DEPDC5: variants seen among roughly 807,000 people sequenced by gnomAD.
DEPDC5 encodes GATOR1 complex protein DEPDC5.
DEPDC5 carries 73 observed loss-of-function variants against 217.3 expected under a neutral mutation model. The ratio of observed to expected loss-of-function variants is 0.34; its 90% CI spans 0.28 to 0.41. The LOEUF is 0.41. Among genes scored for constraint, DEPDC5 ranks in the 10% least tolerant of loss-of-function variants. The pLI is 1.00. For missense variants in DEPDC5, 1,675 were observed against 2,070.1 expected, an observed-to-expected ratio of 0.81 and a Z score of 3.70; for synonymous variants, 733 against 756.7, an observed-to-expected ratio of 0.97 and a Z score of 0.51.
In DEPDC5 at chr22:31,876,547, G is replaced by C. The variant is rs559429632; in HGVS notation, c.3805+282G>C. Among the ~76,000 whole-genome samples, 37 of 152,232 alleles carry C rather than the reference G, an allele frequency of 2.4e-4. No individual in the cohort carries two copies. In the South Asian group the frequency reaches 3.9e-3, roughly 16 times the overall value. ...AGGAAATTCCCACACATCAGTTTTT[G>C]GTAGCTGTTTTTAATTAGAGTGCCC... On this transcript the variant is annotated intron_variant, in intron 37 of 42. Transcript: ENST00000651528.
chr22:31,758,448 G>C, intron 2 of DEPDC5, 98 bp from the exon 3 acceptor site: 1 of 1,028,304 alleles, frequency 9.7e-7, no homozygotes, highest in Non-Finnish European at 1.5e-6. Context: ...CAATGGGGTG[G>C]CAATACCATC....
chr22:31,808,253 G>A (rs1284221767), intron 18 of DEPDC5, among the ~76,000 whole-genome samples: 1 of 149,698 alleles, frequency 6.7e-6, no homozygotes, highest in Admixed American at 6.7e-5. Context: ...ATGCCACCAT[G>A]CCTAATTTTT....
At chr22:31,767,980 C>T (rs1036016435) in intron 6 of DEPDC5, among the ~76,000 whole-genome samples, 6 of 148,206 alleles carry the variant, frequency 4.0e-5, no homozygotes, top group Non-Finnish European at 7.5e-5. Flanking sequence ...CTCCTGACCT[C>T]GTGATCGTCC....
At position 31,879,868 on chromosome 22, in the gene DEPDC5, C is replaced by T. The variant is rs1771458579; in HGVS notation, c.4033+116C>T. On this transcript the variant is annotated intron_variant, in intron 38 of 42. Coordinates refer to ENST00000651528, the MANE Select transcript of DEPDC5 (RefSeq NM_001242896.3). ...CCAGGATTAGAGTCGCTGAGGCCGT[C>T]ACACAGGCCACTGTGTCTGTCGGCA... 6.2e-6 allele frequency: 6 copies of T among 971,142 alleles called. No homozygotes were observed. In the Admixed American group the frequency reaches 6.6e-5, roughly 11 times the overall value. 60.2% of individuals were successfully genotyped at this position (971,142 alleles called of 1,614,324 possible). A position where few individuals can be genotyped will look rare whatever the true frequency, so the allele number is the denominator to read the frequency against.
In DEPDC5 at chr22:31,810,570, TTATGACGCC is replaced by T. The variant is rs1329004649; in HGVS notation, c.1383_1391del (p.Tyr462_Ala464del). 1 of 1,614,166 alleles carries T rather than the reference TTATGACGCC, an allele frequency of 6.2e-7. No individual in the cohort carries two copies. Among genetic ancestry groups the T allele is most frequent in the Non-Finnish European group, 8.5e-7 (1 of 1,180,038 alleles). On this transcript the variant is annotated inframe_deletion, in exon 20 of 43. Coordinates refer to ENST00000651528, the MANE Select transcript of DEPDC5 (RefSeq NM_001242896.3). ...AGAACGCCCTTCCCATCCAAGTAGA[TTATGACGCC>T]TATGACGCTCAAGTGTTCAGGCTGC...
chr22:31,898,605 A>G (rs1291120728), intron 40 of DEPDC5, among the ~76,000 whole-genome samples: 2 of 152,330 alleles, frequency 1.3e-5, no homozygotes, highest in East Asian at 1.9e-4. Flanking sequence ...GCAGAGAACC[A>G]GCCCAAAAGA....
At chr22:31,839,569 A>G (rs1206946192) in intron 27 of DEPDC5, among the ~76,000 whole-genome samples, 4 of 151,772 alleles carry the variant, frequency 2.6e-5, no homozygotes, top group Admixed American at 1.3e-4. Flanking sequence ...CTTTGTCCCC[A>G]TGAAAGCTTC....
intron 7 of DEPDC5, among the ~76,000 whole-genome samples, chr22:31,774,465 A>G (rs993109673): frequency 1.3e-5 from 2 of 151,022 alleles, no homozygotes; most frequent in Non-Finnish European, 1.5e-5. Flanking sequence ...TCCCAAAGTG[A>G]TGGGATTACA....
At chr22:31,842,505 G>T (rs1047215306) in intron 27 of DEPDC5, among the ~76,000 whole-genome samples, 1 of 151,032 alleles carries the variant, frequency 6.6e-6, no homozygotes, top group Non-Finnish European at 1.5e-5. Flanking sequence ...AACCCAGGAG[G>T]TGGAGGTTGC....
At chr22:31,791,909 G>C in intron 10 of DEPDC5, 124 bp from the exon 11 acceptor site, 1 of 431,084 alleles carries the variant, frequency 2.3e-6, no homozygotes, top group Non-Finnish European at 3.7e-6. Context: ...CCTGGTGGCA[G>C]AGTAAGACTC....
intron 33 of DEPDC5, among the ~76,000 whole-genome samples, chr22:31,870,354 C>G (rs1268474763): frequency 6.6e-6 from 1 of 152,086 alleles, no homozygotes; most frequent in Non-Finnish European, 1.5e-5. Flanking sequence ...GGTGGGAGTT[C>G]CCAGCTGCTC....
intron 32 of DEPDC5, among the ~76,000 whole-genome samples, chr22:31,860,959 A>C (rs963290198): frequency 6.6e-6 from 1 of 152,032 alleles, no homozygotes. Flanking sequence ...CGGCCTTTTC[A>C]TCTTCCTTGG....
chr22:31,781,077 T>A (rs1008488047), intron 8 of DEPDC5, among the ~76,000 whole-genome samples: 3 of 151,950 alleles, frequency 2.0e-5, no homozygotes, highest in African/African-American at 7.2e-5. Flanking sequence ...TTAACTGGGC[T>A]TGGTGGTGCA....
chr22:31,892,001 A>G (rs1365657962), intron 38 of DEPDC5, among the ~76,000 whole-genome samples: 1 of 152,228 alleles, frequency 6.6e-6, no homozygotes, highest in Non-Finnish European at 1.5e-5. Context: ...CTTGAGCAAC[A>G]TGTCAATGAT....
chr22:31,754,813 C>G, intron 1 of DEPDC5, 49 bp from the exon 2 acceptor site: 1 of 1,296,432 alleles, frequency 7.7e-7, no homozygotes, highest in South Asian at 1.2e-5. Flanking sequence ...AGAGTGGTTG[C>G]AAGGAAAAAT....
Position 31,876,333 on chromosome 22 carries a change from A to G in DEPDC5, c.3805+68A>G, listed in dbSNP as rs1037994585. Reference sequence around the variant, plus strand: ...TTTTCCTGGTGACTTGCTCTTTCACATGATGGTGCTTCCTGAGCTGCATGT... The same window carrying G: ...TTTTCCTGGTGACTTGCTCTTTCACGTGATGGTGCTTCCTGAGCTGCATGT... On this transcript the variant is annotated intron_variant, in intron 37 of 42. Transcript: ENST00000651528. The G allele has an allele frequency of 3.1e-5, 38 of 1,217,384 alleles. No homozygotes were observed. The South Asian group carries it at 3.7e-4, about 12-fold the overall frequency. 75.4% of individuals were successfully genotyped at this position (1,217,384 alleles called of 1,614,324 possible).
In DEPDC5 at chr22:31,819,005, T is replaced by C; in HGVS notation, c.1667-17T>C. On this transcript the variant is annotated splice_polypyrimidine_tract_variant and intron_variant, in intron 21 of 42. Coordinates refer to ENST00000651528, the MANE Select transcript of DEPDC5 (RefSeq NM_001242896.3). ...CTGTGGTTTTTCTTTGTGACTCAAC[T>C]CCATGATAACTGGCAGATGTCCTGG... 1.2e-6 allele frequency: 2 copies of C among 1,614,082 alleles called. No homozygotes were observed. Among genetic ancestry groups the C allele is most frequent in the South Asian group, 1.1e-5 (1 of 91,080 alleles).
chr22:31,906,433 G>T lies in DEPDC5; in HGVS notation c.4748G>T (p.Arg1583Leu). The change falls in exon 43 of 43, where the codon CGT (arginine) becomes CTT (leucine). Residue 1583 changes from arginine (R) to leucine (L), a missense_variant. By Grantham distance (102) the Arg-to-Leu change is moderately radical. Around this residue, in one of 11 missense-constraint regions of DEPDC5, gnomAD observed 49 missense variants for 74.7 expected, o/e 0.66. Transcript: ENST00000651528. The surrounding 1 kb of genome is among the most constrained non-coding windows in gnomAD (Gnocchi z 5.1). ...GACTTCACGGACTTCTGCATCAACCGTGACAACCGGCTGGTCACGTTCTGG... is the reference window on the plus strand; with the variant it reads ...GACTTCACGGACTTCTGCATCAACCTTGACAACCGGCTGGTCACGTTCTGG... Reference protein sequence around the residue: ...LKDFTDFCINRDNRLVTFWTS... With the variant: ...LKDFTDFCINLDNRLVTFWTS... 3 of 1,614,050 alleles carry T rather than the reference G, an allele frequency of 1.9e-6. No individual in the cohort carries two copies. Among genetic ancestry groups the T allele is most frequent in the African/African-American group, 1.3e-5 (1 of 75,074 alleles).
intron 31 of DEPDC5, 117 bp from the exon 32 acceptor site, chr22:31,857,328 G>T (rs1419371986): frequency 1.6e-5 from 13 of 796,354 alleles, no homozygotes; most frequent in Non-Finnish European, 2.4e-5. Flanking sequence ...AGGGAAACAA[G>T]GCAGAAGTGT....
Sources: allele counts gnomAD v4.1 joint callset (sites outside exome capture counted in the v4.1 genomes callset), GRCh38; gene constraint gnomAD v4.1.1; regional missense constraint gnomAD v4.1.1; non-coding constraint Gnocchi (gnomAD v3.1); transcripts MANE v1.5; gene names NCBI Gene and HGNC (gene_info 2026-07-23, HGNC 2026-07-21).